PIGF: variants seen among roughly 807,000 people sequenced by gnomAD.
The protein encoded by PIGF is phosphatidylinositol glycan anchor biosynthesis class F, also known as GPI ethanolamine phosphate transferase, stabilizing subunit.
Under a neutral mutation model 26.0 loss-of-function variants are expected in PIGF, and 23 were observed. The observed-to-expected ratio is 0.88, with a 90% CI of 0.64 to 1.25. PIGF has a LOEUF of 1.25. Among genes scored for constraint, PIGF ranks in the 50% most tolerant of loss-of-function variants. The pLI is 0.00. For synonymous variants in PIGF, 93 were observed against 92.6 expected, an observed-to-expected ratio of 1.00 and a Z score of -0.03; for missense variants, 278 against 249.9, an observed-to-expected ratio of 1.11 and a Z score of -0.76.
chr2:46,615,117 G>A lies in PIGF; in HGVS notation c.48C>T (p.Cys16=). 5 of 1,580,540 alleles carry A rather than the reference G, an allele frequency of 3.2e-6. No individual in the cohort carries two copies. Among genetic ancestry groups the A allele is most frequent in the Non-Finnish European group, 4.3e-6 (5 of 1,149,462 alleles). ...IKRLLYTHLL[C]IFSIILSVFI... ...AGACACTTAGGATAATTGAAAATAT[G>A]CATAAAAGATGGGTATACAGTAGTC... The change falls in exon 2 of 6, where the codon TGC becomes TGT. Residue 16 remains cysteine, a synonymous_variant. Transcript: ENST00000281382.
chr2:46,589,533 A>G lies in PIGF; in HGVS notation c.546+2942T>C, dbSNP rs949063223. Among the ~76,000 whole-genome samples the G allele has an allele frequency of 5.3e-5, 8 of 151,824 alleles. No individual in the cohort carries two copies. Among genetic ancestry groups the G allele is most frequent in the Non-Finnish European group, 7.4e-5 (5 of 67,864 alleles). On this transcript the variant is annotated intron_variant, in intron 5 of 5. Transcript: ENST00000281382. This position sits in a 1 kb window ranked among gnomAD's most constrained non-coding sequence, Gnocchi z 4.7. The stretch of plus-strand genomic sequence containing the variant: ...GCATGTGTGTGTTTTTAAAGGTACA[A>G]TTGCTTAACCAGATATTCCTGTTTC...
chr2:46,608,698 A>G (rs1320524392), intron 4 of PIGF, among the ~76,000 whole-genome samples: 1 of 152,196 alleles, frequency 6.6e-6, no homozygotes, highest in African/African-American at 2.4e-5. Context: ...AAAAAACATT[A>G]ATATTCTTGT....
intron 5 of PIGF, among the ~76,000 whole-genome samples, chr2:46,587,902 T>A (rs967439910): frequency 2.0e-5 from 3 of 152,172 alleles, no homozygotes; most frequent in Non-Finnish European, 4.4e-5. Context: ...GACCATTTTT[T>A]AAAAAGAAAA....
chr2:46,581,614 C>A, intron 5 of PIGF, 23 bp from the exon 6 acceptor site: 8 of 1,600,512 alleles, frequency 5.0e-6, no homozygotes, highest in South Asian at 2.2e-5. Flanking sequence ...TGTATGAGAT[C>A]AAAAAAGAAC....
chr2:46,608,511 A>C (rs1405251558), intron 4 of PIGF, among the ~76,000 whole-genome samples: 1 of 152,196 alleles, frequency 6.6e-6, no homozygotes, highest in Non-Finnish European at 1.5e-5. Context: ...AATGGCATCC[A>C]TCTAGAATGG....
chr2:46,588,310 A>C lies in PIGF; in HGVS notation c.546+4165T>G. ...GAAAGACTGCTGGGCAGAAAAAATAAAACAACAAACTGAGACAATTAACAT... is the reference window on the plus strand; with the variant it reads ...GAAAGACTGCTGGGCAGAAAAAATACAACAACAAACTGAGACAATTAACAT... On this transcript the variant is annotated intron_variant, in intron 5 of 5. Transcript: ENST00000281382. The surrounding 1 kb of genome is among the most constrained non-coding windows in gnomAD (Gnocchi z 4.1). 8.8e-7 allele frequency: 1 copy of C among 1,138,416 alleles called. No homozygotes were observed. 70.5% of individuals were successfully genotyped at this position (1,138,416 alleles called of 1,614,324 possible). A position where few individuals can be genotyped will look rare whatever the true frequency, so the allele number is the denominator to read the frequency against.
chr2:46,588,910 CTATT>C lies in PIGF; in HGVS notation c.546+3561_546+3564del, dbSNP rs746620167. On this transcript the variant is annotated intron_variant, in intron 5 of 5. Transcript: ENST00000281382. This position sits in a 1 kb window ranked among gnomAD's most constrained non-coding sequence, Gnocchi z 4.1. The stretch of plus-strand genomic sequence containing the variant: ...ATAACAACAAATACTTATTGATTAG[CTATT>C]TAGTTACAGCAGATAAAGAATCAAA... 4.3e-4 allele frequency among the ~76,000 whole-genome samples: 66 copies of C among 152,106 alleles called. No homozygotes were observed. Among genetic ancestry groups the C allele is most frequent in the Non-Finnish European group, 6.0e-4 (41 of 67,940 alleles).
intron 4 of PIGF, among the ~76,000 whole-genome samples, chr2:46,593,999 G>A (rs577935833): frequency 1.3e-5 from 2 of 152,310 alleles, no homozygotes; most frequent in African/African-American, 2.4e-5. Context: ...GAACGGGCTG[G>A]AGCCAATCAC....
In PIGF at chr2:46,606,860, T is replaced by C. The variant is rs185050113; in HGVS notation, c.437+5368A>G. 4.5e-3 allele frequency among the ~76,000 whole-genome samples: 682 copies of C among 152,302 alleles called. 5 individuals are homozygous for C. The highest frequency in any genetic ancestry group is 8.1e-3 in the Non-Finnish European group (550 of 68,018). On this transcript the variant is annotated intron_variant, in intron 4 of 5. Transcript: ENST00000281382. ...AATGTGGAAAGAACCTAGATGTCCA[T>C]CAACTGATAAATGGGTAAACAAAAT...
At chr2:46,610,547 T>TG (rs11371739) in intron 4 of PIGF, among the ~76,000 whole-genome samples, 1 of 149,144 alleles carries the variant, frequency 6.7e-6, no homozygotes, top group Non-Finnish European at 1.5e-5. Context: ...TTTTTTTTTT[T>TG]GAGACAGATT....
At position 46,615,099 on chromosome 2, in the gene PIGF, T is replaced by C; in HGVS notation, c.66A>G (p.Leu22=). The C allele has an allele frequency of 6.3e-7, 1 of 1,584,488 alleles. No homozygotes were observed. The highest frequency in any genetic ancestry group is 8.7e-7 in the Non-Finnish European group (1 of 1,153,050). ...AGAAGAGTGATGGAATGAAGACACT[T>C]AGGATAATTGAAAATATGCATAAAA... is the stretch of plus-strand genomic sequence containing the variant. ...THLLCIFSII[L]SVFIPSLFLE... is the part of the protein sequence containing the mutation. The change falls in exon 2 of 6, where the codon CTA becomes CTG. Residue 22 remains leucine, a synonymous_variant. Transcript: ENST00000281382.
Position 46,615,178 on chromosome 2 carries a change from ATGGCTAGC to A in PIGF, c.-21-1_-15del. ...GTTATCTTTCATGGTGTTTTCTTGG[ATGGCTAGC>A]TAACAAAAAACAAGAAAAGAAGAGC... On this transcript the variant is annotated splice_acceptor_variant and 5_prime_UTR_variant, in exon 2 of 6. Transcript: ENST00000281382. LOFTEE classifies it low-confidence loss of function (5UTR_SPLICE). 8.1e-7 allele frequency: 1 copy of A among 1,240,102 alleles called. No homozygotes were observed. The highest frequency in any genetic ancestry group is 1.8e-5 in the Admixed American group (1 of 54,952). The allele number at this position is 1,240,102 out of a possible 1,614,324, so 76.8% of individuals were successfully genotyped here.
At chr2:46,597,078 C>G (rs754084265) in intron 4 of PIGF, among the ~76,000 whole-genome samples, 6 of 152,182 alleles carry the variant, frequency 3.9e-5, no homozygotes, top group Non-Finnish European at 5.9e-5. Context: ...CCCGCTCCTT[C>G]CATCTTTTTG....
chr2:46,603,948 AATCT>A (rs1670138153), intron 4 of PIGF, among the ~76,000 whole-genome samples: 1 of 152,084 alleles, frequency 6.6e-6, no homozygotes, highest in Non-Finnish European at 1.5e-5. Context: ...AAATATTTCC[AATCT>A]ATCTATCTAA....
Position 46,588,115 on chromosome 2 carries a change from G to A in PIGF, c.546+4360C>T. On this transcript the variant is annotated intron_variant, in intron 5 of 5. Coordinates refer to ENST00000281382, the MANE Select transcript of PIGF (RefSeq NM_002643.4). This position sits in a 1 kb window ranked among gnomAD's most constrained non-coding sequence, Gnocchi z 4.1. ...TCAGGATTAAGTTACTCATTTCACAGTACCAAGCCCCCTGCAGGGTACATG... is the reference window on the plus strand; with the variant it reads ...TCAGGATTAAGTTACTCATTTCACAATACCAAGCCCCCTGCAGGGTACATG... The A allele has an allele frequency of 6.2e-7, 1 of 1,609,078 alleles. No individual in the cohort carries two copies. Among genetic ancestry groups the A allele is most frequent in the Non-Finnish European group, 8.5e-7 (1 of 1,177,594 alleles).
At position 46,580,976 on chromosome 2, in the gene PIGF, T is replaced by C. The variant is rs368360741; in HGVS notation, c.*502A>G. 7 of 1,579,930 alleles carry C rather than the reference T, an allele frequency of 4.4e-6. No individual in the cohort carries two copies. Among genetic ancestry groups the C allele is most frequent in the African/African-American group, 4.1e-5 (3 of 72,952 alleles). On this transcript the variant is annotated 3_prime_UTR_variant, in exon 6 of 6. Transcript: ENST00000281382. Reference sequence around the variant, plus strand: ...ATGTTCAGCTTTAACCCAGAAGGGATTGAAGACTGTTTTTGATGAGGCTAT... The same window carrying C: ...ATGTTCAGCTTTAACCCAGAAGGGACTGAAGACTGTTTTTGATGAGGCTAT...
In PIGF at chr2:46,591,841, T is replaced by C. The variant is rs530657882; in HGVS notation, c.546+634A>G. On this transcript the variant is annotated intron_variant, in intron 5 of 5. Transcript: ENST00000281382. ...ACCTAGCATATCAGCTTTATCTTAT[T>C]GTGATACAAGACGAAAAATCTGATG... is the stretch of plus-strand genomic sequence containing the variant. 6 of 1,302,552 alleles carry C rather than the reference T, an allele frequency of 4.6e-6. No homozygotes were observed. The South Asian group carries it at 4.9e-5, about 11-fold the overall frequency. The allele number at this position is 1,302,552 out of a possible 1,614,324, so 80.7% of individuals were successfully genotyped here. A position where few individuals can be genotyped will look rare whatever the true frequency, so the allele number is the denominator to read the frequency against.
chr2:46,584,973 A>C (rs868627130), intron 5 of PIGF, among the ~76,000 whole-genome samples: 1 of 152,196 alleles, frequency 6.6e-6, no homozygotes, highest in Non-Finnish European at 1.5e-5. Context: ...ATCCTAGCTT[A>C]ATCAGGTATT....
At position 46,581,413 on chromosome 2, in the gene PIGF, G is replaced by C; in HGVS notation, c.*65C>G. 1 of 1,568,432 alleles carries C rather than the reference G, an allele frequency of 6.4e-7. No individual in the cohort carries two copies. Among genetic ancestry groups the C allele is most frequent in the Non-Finnish European group, 8.6e-7 (1 of 1,156,188 alleles). The stretch of plus-strand genomic sequence containing the variant: ...GCTGTAAATGGAACTGCTTGGCTTT[G>C]ACCATACACATTTCTGCCCAGCCCT... On this transcript the variant is annotated 3_prime_UTR_variant, in exon 6 of 6. Transcript: ENST00000281382.
Sources: allele counts gnomAD v4.1 joint callset (sites outside exome capture counted in the v4.1 genomes callset), GRCh38; gene constraint gnomAD v4.1.1; non-coding constraint Gnocchi (gnomAD v3.1); transcripts MANE v1.5; gene names NCBI Gene and HGNC (gene_info 2026-07-23, HGNC 2026-07-21).